KIF26B: variants seen among roughly 807,000 people sequenced by gnomAD.
The protein encoded by KIF26B is kinesin family member 26B.
A neutral mutation model predicts 151.2 loss-of-function variants in KIF26B; 63 were observed. That is an observed-to-expected ratio of 0.42 (90% confidence interval 0.34 to 0.51). The LOEUF (loss-of-function observed/expected upper bound fraction) is 0.51, where lower values mean the gene tolerates loss of function less well. Ranked by LOEUF, KIF26B falls within the 20% of genes least tolerant of loss-of-function variation. The pLI, the probability that KIF26B is intolerant of heterozygous loss-of-function variation, is 0.07. For synonymous variants in KIF26B, 1,357 were observed against 1,262.1 expected, an observed-to-expected ratio of 1.08 and a Z score of -1.59; for missense variants, 2,813 against 2,913.6, an observed-to-expected ratio of 0.97 and a Z score of 0.79.
At chr1:245,303,309 C>T (rs1671471124) in intron 2 of KIF26B, among the ~76,000 whole-genome samples, 1 of 149,854 alleles carries the variant, frequency 6.7e-6, no homozygotes, top group African/African-American at 2.5e-5. Context: ...CGCCATTCTC[C>T]TGCCTCAGCC....
Position 245,432,747 on chromosome 1 carries a change from G to A in KIF26B, c.1166+13002G>A, listed in dbSNP as rs150750339. ...GGCTCAGCGTGCTTATGAATCACAC[G>A]GTTGATGAAAACACCAATCTGTCCA... On this transcript the variant is annotated intron_variant, in intron 4 of 14. Transcript: ENST00000407071. Among the ~76,000 whole-genome samples the A allele has an allele frequency of 5.7e-3, 866 of 152,274 alleles. 15 individuals carry two copies. Among genetic ancestry groups the A allele is most frequent in the African/African-American group, 0.02 (822 of 41,558 alleles).
intron 2 of KIF26B, among the ~76,000 whole-genome samples, chr1:245,349,517 T>A (rs1672521434): frequency 7.0e-6 from 1 of 142,628 alleles, no homozygotes; most frequent in African/African-American, 2.6e-5. Flanking sequence ...AAACACACAG[T>A]ACTCACTCAT....
chr1:245,655,364 T>C (rs969601430), intron 10 of KIF26B, among the ~76,000 whole-genome samples: 2 of 152,250 alleles, frequency 1.3e-5, no homozygotes, highest in African/African-American at 4.8e-5. Flanking sequence ...CACGTGGTTC[T>C]GCCACCATCC....
chr1:245,211,124 C>T lies in KIF26B; in HGVS notation c.465+54441C>T, dbSNP rs187886450. Among the ~76,000 whole-genome samples, 433 of 152,246 alleles carry T rather than the reference C, an allele frequency of 2.8e-3. 1 individual carries two copies. Among genetic ancestry groups the T allele is most frequent in the Non-Finnish European group, 4.8e-3 (324 of 68,024 alleles). On this transcript the variant is annotated intron_variant, in intron 2 of 14. Coordinates refer to ENST00000407071, the MANE Select transcript of KIF26B (RefSeq NM_018012.4). Reference sequence around the variant, plus strand: ...GAGAGACTAGCCAACTGTTGCTGAACGCGATATTCTTTTGTGAATAAAAAG... The same window carrying T: ...GAGAGACTAGCCAACTGTTGCTGAATGCGATATTCTTTTGTGAATAAAAAG...
At chr1:245,217,725 G>A (rs12738869) in intron 2 of KIF26B, among the ~76,000 whole-genome samples, 81,519 of 151,832 alleles carry the variant, frequency 0.54, 25,312 homozygotes, top group Non-Finnish European at 0.69. Flanking sequence ...GTAATCTCAC[G>A]ATACCCGCCT....
At chr1:245,554,992 G>A (rs1235000914) in intron 5 of KIF26B, among the ~76,000 whole-genome samples, 1 of 152,198 alleles carries the variant, frequency 6.6e-6, no homozygotes, top group African/African-American at 2.4e-5. Flanking sequence ...TTTGCTCAAG[G>A]TCGTATAGAA....
intron 2 of KIF26B, among the ~76,000 whole-genome samples, chr1:245,158,180 CA>C (rs888678946): frequency 2.6e-5 from 4 of 152,128 alleles, no homozygotes; most frequent in African/African-American, 9.6e-5. Flanking sequence ...TACAGCCTAC[CA>C]AATTATTTTA....
intron 4 of KIF26B, among the ~76,000 whole-genome samples, chr1:245,496,396 T>A (rs1660514325): frequency 6.6e-6 from 1 of 152,174 alleles, no homozygotes; most frequent in Non-Finnish European, 1.5e-5. Flanking sequence ...CTAAAATATA[T>A]GTAGCATTAA....
chr1:245,312,087 G>T (rs1041978441), intron 2 of KIF26B, among the ~76,000 whole-genome samples: 1 of 152,220 alleles, frequency 6.6e-6, no homozygotes, highest in African/African-American at 2.4e-5. Flanking sequence ...GCACAGCTGG[G>T]TCTACCTACA....
intron 10 of KIF26B, among the ~76,000 whole-genome samples, chr1:245,652,145 T>TGTGTGTGTGTGTGTGGGA (rs368258830): frequency 4.9e-5 from 7 of 142,658 alleles, no homozygotes; most frequent in African/African-American, 1.4e-4. Flanking sequence ...TGTGTGTGTG[T>TGTGTGTGTGTGTGTGGGA]GAGAGAGACA....
At chr1:245,301,571 G>C (rs574039207) in intron 2 of KIF26B, among the ~76,000 whole-genome samples, 1 of 152,220 alleles carries the variant, frequency 6.6e-6, no homozygotes, top group East Asian at 1.9e-4. Flanking sequence ...GACTTGGCGC[G>C]GAGTCCCAGA....
Position 245,669,118 on chromosome 1 carries a change from A to T in KIF26B, c.2259-15115A>T, listed in dbSNP as rs185105371. Among the ~76,000 whole-genome samples, 524 of 152,356 alleles carry T rather than the reference A, an allele frequency of 3.4e-3. 3 individuals are homozygous for T. Among genetic ancestry groups the T allele is most frequent in the Non-Finnish European group, 4.0e-3 (273 of 68,046 alleles). On this transcript the variant is annotated intron_variant, in intron 10 of 14. Transcript: ENST00000407071. ...AATTTGTTCCTCGACAATACACAGA[A>T]AATGCACTTAACAATAGCCCCTGAA...
At chr1:245,701,944 T>G (rs1183346113) in intron 14 of KIF26B, among the ~76,000 whole-genome samples, 1 of 152,216 alleles carries the variant, frequency 6.6e-6, no homozygotes, top group Admixed American at 6.5e-5. Flanking sequence ...TACCTGCTCT[T>G]CAGGCCTGGA....
At chr1:245,389,200 AC>A (rs1193309649) in intron 3 of KIF26B, among the ~76,000 whole-genome samples, 5 of 151,770 alleles carry the variant, frequency 3.3e-5, no homozygotes, top group Non-Finnish European at 2.9e-5. Context: ...TGCAACCTCT[AC>A]CTCCTGGGTT....
intron 2 of KIF26B, among the ~76,000 whole-genome samples, chr1:245,286,213 G>A (rs1048708999): frequency 7.2e-5 from 11 of 151,890 alleles, no homozygotes; most frequent in Admixed American, 7.2e-4. Flanking sequence ...ATAACCTGTG[G>A]CCGGGATGGG....
Position 245,708,712 on chromosome 1 carries a change from C to G in KIF26B, c.*6106C>G, listed in dbSNP as rs2044871080. ...AGTCGTCCCGTCCGTGATATATTAC[C>G]TAACTCCTCCAGAACTCAGTTTTCT... On this transcript the variant is annotated 3_prime_UTR_variant, in exon 15 of 15. Coordinates refer to ENST00000407071, the MANE Select transcript of KIF26B (RefSeq NM_018012.4). 1 of 152,182 alleles carries G rather than the reference C, an allele frequency of 6.6e-6. No homozygotes were observed. The highest frequency in any genetic ancestry group is 2.1e-4 in the South Asian group (1 of 4,822). The allele number at this position is 152,182 out of a possible 1,614,324, so 9.4% of individuals were successfully genotyped here.
intron 5 of KIF26B, among the ~76,000 whole-genome samples, chr1:245,575,356 T>C (rs901764167): frequency 1.3e-5 from 2 of 151,732 alleles, no homozygotes; most frequent in Non-Finnish European, 2.9e-5. Flanking sequence ...ACACCTGTAG[T>C]CTCAGCTACT....
At chr1:245,252,998 T>C (rs906244817) in intron 2 of KIF26B, among the ~76,000 whole-genome samples, 5 of 151,316 alleles carry the variant, frequency 3.3e-5, no homozygotes, top group African/African-American at 7.3e-5. Context: ...GAGGTGATAA[T>C]TTTTTTCTTA....
chr1:245,292,908 A>C (rs1026737922), intron 2 of KIF26B, among the ~76,000 whole-genome samples: 2 of 152,326 alleles, frequency 1.3e-5, no homozygotes, highest in Admixed American at 6.5e-5. Flanking sequence ...TTGTGGCCCA[A>C]ACTGCTTCGG....
Sources: allele counts gnomAD v4.1 joint callset (sites outside exome capture counted in the v4.1 genomes callset), GRCh38; gene constraint gnomAD v4.1.1; transcripts MANE v1.5; gene names NCBI Gene and HGNC (gene_info 2026-07-23, HGNC 2026-07-21).